PATJ: variants seen among roughly 807,000 people sequenced by gnomAD.
PATJ encodes PATJ crumbs cell polarity complex component, also known as inaD-like protein.
In PATJ, 190 loss-of-function variants were observed where a neutral mutation model predicts 224.9. The ratio of observed to expected loss-of-function variants is 0.84; its 90% CI spans 0.75 to 0.95. The LOEUF (loss-of-function observed/expected upper bound fraction) is 0.95, where lower values mean the gene tolerates loss of function less well. Among genes scored for constraint, PATJ ranks in the 40% least tolerant of loss-of-function variants. PATJ has a pLI of 0.00. For synonymous variants in PATJ, 769 were observed against 820.3 expected (o/e 0.94, Z 1.07); for missense variants, 2,121 against 2,270.3 (o/e 0.93, Z 1.34).
chr1:62,081,983 AAG>A (rs1351114969), intron 32 of PATJ, among the ~76,000 whole-genome samples: 1 of 152,244 alleles, frequency 6.6e-6, no homozygotes, highest in Non-Finnish European at 1.5e-5. Flanking sequence ...AAAAGATTTA[AAG>A]ACAAATTTGG....
intron 33 of PATJ, among the ~76,000 whole-genome samples, chr1:62,097,222 C>T (rs1397618188): frequency 6.6e-6 from 1 of 152,120 alleles, no homozygotes; most frequent in Admixed American, 6.5e-5. Flanking sequence ...ACATTGCTGC[C>T]TTCCACTGTT....
chr1:61,934,029 G>A (rs1162330810), intron 27 of PATJ, among the ~76,000 whole-genome samples: 3 of 151,826 alleles, frequency 2.0e-5, no homozygotes, highest in African/African-American at 4.8e-5. Flanking sequence ...TCTGCCTCCC[G>A]GGTTCAAGCA....
At chr1:62,045,367 A>G (rs1652344232) in intron 30 of PATJ, among the ~76,000 whole-genome samples, 1 of 150,736 alleles carries the variant, frequency 6.6e-6, no homozygotes, top group South Asian at 2.2e-4. Context: ...TTATAGACAA[A>G]TGGTGGATAT....
intron 42 of PATJ, among the ~76,000 whole-genome samples, chr1:62,150,816 T>TAA (rs11432069): frequency 1.3e-4 from 19 of 151,356 alleles, no homozygotes; most frequent in Admixed American, 7.3e-4. Flanking sequence ...CCTGTGTTTA[T>TAA]AAAAAAATGT....
chr1:62,047,797 A>G (rs1652828580), intron 30 of PATJ, among the ~76,000 whole-genome samples: 3 of 152,230 alleles, frequency 2.0e-5, no homozygotes, highest in Admixed American at 2.0e-4. Flanking sequence ...GGGTATGTTT[A>G]TTTCACATGG....
At chr1:62,042,489 A>C (rs1437514829) in intron 30 of PATJ, among the ~76,000 whole-genome samples, 3 of 152,196 alleles carry the variant, frequency 2.0e-5, no homozygotes, top group Non-Finnish European at 4.4e-5. Context: ...TATGGCTAAA[A>C]GAGACAGCCC....
At chr1:62,006,104 T>C (rs1646077849) in intron 28 of PATJ, among the ~76,000 whole-genome samples, 1 of 109,260 alleles carries the variant, frequency 9.2e-6, no homozygotes, top group African/African-American at 2.9e-5. Context: ...TTTCTTTTTT[T>C]GTTTTGTTTT....
chr1:62,079,596 C>T, intron 32 of PATJ, 29 bp downstream of exon 32: 11 of 1,408,534 alleles, frequency 7.8e-6, no homozygotes, highest in Non-Finnish European at 1.1e-5. Context: ...GCAGATCTGG[C>T]TCATTAAGCC....
intron 30 of PATJ, among the ~76,000 whole-genome samples, chr1:62,043,655 A>G (rs1278140470): frequency 3.3e-5 from 5 of 152,264 alleles, no homozygotes; most frequent in Admixed American, 2.6e-4. Context: ...TTCCTTTTAA[A>G]AACTAAATTG....
chr1:61,845,767 C>T (rs1426443184), intron 17 of PATJ, among the ~76,000 whole-genome samples: 1 of 152,170 alleles, frequency 6.6e-6, no homozygotes, highest in African/African-American at 2.4e-5. Context: ...GTGACTTTGA[C>T]GTGGCTGTGT....
At position 61,795,515 on chromosome 1, in the gene PATJ, C is replaced by T. The variant is rs377356110; in HGVS notation, c.1217C>T (p.Ala406Val). ...AAAAGTATAATACCTGGCAGTGCTG[C>T]GTACCACAATGGCCACATTCAAGTG... ...YVKSIIPGSAAYHNGHIQVND... is the reference protein window; with the variant it reads ...YVKSIIPGSAVYHNGHIQVND... Residue 406 changes from alanine (A) to valine (V), a missense_variant, in exon 10 of 44, where the codon GCG becomes GTG. Physicochemically the swap from Ala to Val is moderately conservative, Grantham distance 64. Coordinates refer to ENST00000642238, the MANE Select transcript of PATJ (RefSeq NM_001350145.3). The T allele has an allele frequency of 5.6e-6, 9 of 1,610,386 alleles. No homozygotes were observed. In the East Asian group the frequency reaches 1.3e-4, roughly 24 times the overall value.
chr1:62,157,046 G>C (rs550209462), intron 43 of PATJ, among the ~76,000 whole-genome samples: 1 of 152,124 alleles, frequency 6.6e-6, no homozygotes, highest in African/African-American at 2.4e-5. Flanking sequence ...TCATTAGGCC[G>C]GGCACGGTGG....
At chr1:62,017,482 G>A (rs1285357820) in intron 28 of PATJ, among the ~76,000 whole-genome samples, 1 of 150,860 alleles carries the variant, frequency 6.6e-6, no homozygotes, top group Non-Finnish European at 1.5e-5. Context: ...CCAGCACTTT[G>A]GGAGGCTGAG....
chr1:62,007,674 T>C (rs1445514905), intron 28 of PATJ, among the ~76,000 whole-genome samples: 1 of 152,254 alleles, frequency 6.6e-6, no homozygotes, highest in African/African-American at 2.4e-5. Context: ...CTCACAGTTC[T>C]GGAGGCTGAG....
chr1:62,051,187 G>T lies in PATJ; in HGVS notation c.4125+129G>T, dbSNP rs1389082711. On this transcript the variant is annotated intron_variant, in intron 31 of 43. Coordinates refer to ENST00000642238, the MANE Select transcript of PATJ (RefSeq NM_001350145.3). ...GGAATCTTCGTCTGTGAGACAAGAA[G>T]CTATTATATGTAGTGAGTGACCCAT... 5.8e-6 allele frequency: 4 copies of T among 695,456 alleles called. No individual in the cohort carries two copies. In the East Asian group the frequency reaches 1.1e-4, roughly 19 times the overall value. 43.1% of individuals were successfully genotyped at this position (695,456 alleles called of 1,614,324 possible).
rs1035785360 is a variant in PATJ at position 61,775,317 on chromosome 1, G to A, written c.832G>A (p.Gly278Arg). 1.2e-6 allele frequency: 2 copies of A among 1,611,860 alleles called. No homozygotes were observed. The highest frequency in any genetic ancestry group is 2.7e-5 in the African/African-American group (2 of 74,788). The change falls in exon 7 of 44, where the codon GGA becomes AGA. Residue 278 changes from glycine (G) to arginine (R), a missense_variant. Physicochemically the swap from Gly to Arg is moderately radical, Grantham distance 125 (BLOSUM62 -2). Transcript: ENST00000642238. The part of the protein sequence containing the change: ...SGVVVRTIVP[G>R]GLADRDGRLQ... ...CGTGGTTGTGAGGACTATAGTTCCT[G>A]GAGGATTAGCAGATCGAGTAAGTCA...
rs1361276881 is a variant in PATJ, at chr1:62,132,843, G to GCCCC, written c.5271+3899_5271+3900insCCCC. 9.9e-5 allele frequency among the ~76,000 whole-genome samples: 15 copies of GCCCC among 152,194 alleles called. 1 individual carries two copies. In the East Asian group the frequency reaches 2.9e-3, roughly 29 times the overall value. On this transcript the variant is annotated intron_variant, in intron 41 of 43. Transcript: ENST00000642238. ...TGCTTGAGCCCGGGGGGCAGAGGTT[G>GCCCC]CAGTGAGCCAAGATCGTGCCACTGC...
chr1:61,800,243 C>T (rs1368826316), intron 11 of PATJ, among the ~76,000 whole-genome samples: 1 of 152,174 alleles, frequency 6.6e-6, no homozygotes, highest in East Asian at 1.9e-4. Context: ...CTCTTTTCTC[C>T]ACATCCTTGC....
At chr1:61,818,655 A>G (rs1345097806) in intron 14 of PATJ, among the ~76,000 whole-genome samples, 1 of 152,192 alleles carries the variant, frequency 6.6e-6, no homozygotes, top group African/African-American at 2.4e-5. Context: ...TTTCATAAGC[A>G]TTGTTTCTGG....
Sources: allele counts gnomAD v4.1 joint callset (sites outside exome capture counted in the v4.1 genomes callset), GRCh38; gene constraint gnomAD v4.1.1; transcripts MANE v1.5; gene names NCBI Gene and HGNC (gene_info 2026-07-23, HGNC 2026-07-21).